Variants in RSAD2 observed in about 807,000 individuals in gnomAD.
The protein encoded by RSAD2 is radical S-adenosyl methionine domain containing 2, also known as S-adenosylmethionine-dependent nucleotide dehydratase RSAD2.
Under a neutral mutation model 37.7 loss-of-function variants are expected in RSAD2, and 38 were observed. The ratio of observed to expected loss-of-function variants is 1.01; its 90% CI spans 0.78 to 1.32. The LOEUF is 1.32. RSAD2 is among the 40% of genes most tolerant of loss of function. The pLI is 0.00. For missense variants in RSAD2, 428 were observed against 437.5 expected, an observed-to-expected ratio of 0.98 and a Z score of 0.19; for synonymous variants, 163 against 157.4, an observed-to-expected ratio of 1.04 and a Z score of -0.27.
chr2:6,867,295 G>A (rs1663115936), intron 1 of RSAD2, among the ~76,000 whole-genome samples: 1 of 152,170 alleles, frequency 6.6e-6, no homozygotes. Context: ...AGCAGGGTTT[G>A]CTTTTTCTGA....
intron 1 of RSAD2, among the ~76,000 whole-genome samples, chr2:6,878,466 C>T (rs960770208): frequency 2.0e-5 from 3 of 152,102 alleles, no homozygotes; most frequent in South Asian, 2.1e-4. Flanking sequence ...TGGAAAGAGG[C>T]GGTTTGGGAA....
chr2:6,875,282 TAA>T (rs1227065099), upstream of RSAD2, among the ~76,000 whole-genome samples: 4 of 152,214 alleles, frequency 2.6e-5, no homozygotes, highest in African/African-American at 9.6e-5. Flanking sequence ...TAAATCCTGA[TAA>T]AGTTTACCAG....
chr2:6,880,703 G>A (rs764269949), intron 1 of RSAD2, among the ~76,000 whole-genome samples: 127 of 152,246 alleles, frequency 8.3e-4, no homozygotes, highest in Middle Eastern at 3.4e-3. Context: ...TGAAATGCAT[G>A]AGGCTAGAAA....
Position 6,887,161 on chromosome 2 carries a change from GA to G in RSAD2, c.738del (p.Val247CysfsTer6). On this transcript the variant is annotated frameshift_variant and splice_region_variant, in exon 3 of 6. Transcript: ENST00000382040. LOFTEE classifies it high-confidence loss of function. ...TCAAAGCACTAAACCCTGTCCGCTG[GA>G]AAGTAAGTACACAAGGTCGCTTTTG... ...QIKALNPVRWKVFQCLLIEGE... is the reference protein window; with the variant it reads ...QIKALNPVRWXVFQCLLIEGE... The G allele has an allele frequency of 6.2e-7, 1 of 1,611,286 alleles. No individual in the cohort carries two copies. Among genetic ancestry groups the G allele is most frequent in the Non-Finnish European group, 8.5e-7 (1 of 1,177,558 alleles).
At chr2:6,889,702 T>A (rs1663592668) in intron 3 of RSAD2, among the ~76,000 whole-genome samples, 1 of 152,206 alleles carries the variant, frequency 6.6e-6, no homozygotes, top group Non-Finnish European at 1.5e-5. Flanking sequence ...AAAAGACTGT[T>A]GAAAGAGAAT....
intron 2 of RSAD2, 88 bp downstream of exon 2, chr2:6,883,620 C>G: frequency 1.3e-6 from 2 of 1,488,482 alleles, no homozygotes. Context: ...GGCCTTCAGC[C>G]AGGCCTGCTG....
Position 6,883,391 on chromosome 2 carries a change from T to G in RSAD2, c.367T>G (p.Ser123Ala). 1 of 1,614,234 alleles carries G rather than the reference T, an allele frequency of 6.2e-7. No individual in the cohort carries two copies. The highest frequency in any genetic ancestry group is 8.5e-7 in the Non-Finnish European group (1 of 1,180,038). The change falls in exon 2 of 6, where the codon TCA becomes GCA. Residue 123 changes from serine (S) to alanine (A), a missense_variant. Physicochemically the swap from Ser to Ala is moderately conservative, Grantham distance 99 (BLOSUM62 1). Transcript: ENST00000382040. ...CACAGGTATGGAGAAGATCAACTTT[T>G]CAGGTGGAGAGCCATTTCTTCAAGA... ...KEAGMEKINF[S>A]GGEPFLQDRG... is the part of the protein sequence containing the mutation.
At chr2:6,879,514 G>T (rs1233364010) in intron 1 of RSAD2, among the ~76,000 whole-genome samples, 4 of 152,024 alleles carry the variant, frequency 2.6e-5, no homozygotes, top group Non-Finnish European at 4.4e-5. Flanking sequence ...TCTCTTCCTA[G>T]AATGTCTGTC....
At chr2:6,875,406 T>C (rs148624097), upstream of RSAD2, among the ~76,000 whole-genome samples, 1 of 152,184 alleles carries the variant, frequency 6.6e-6, no homozygotes, top group African/African-American at 2.4e-5. Flanking sequence ...AGAGCTCTGG[T>C]CAACACTGGG....
chr2:6,873,932 A>G (rs1182584268), upstream of RSAD2, among the ~76,000 whole-genome samples: 1 of 152,186 alleles, frequency 6.6e-6, no homozygotes, highest in East Asian at 1.9e-4. Context: ...GTTATATGAT[A>G]TGGTTTAGAT....
chr2:6,884,147 C>T (rs1389341410), intron 2 of RSAD2, among the ~76,000 whole-genome samples: 2 of 152,188 alleles, frequency 1.3e-5, no homozygotes, highest in African/African-American at 4.8e-5. Context: ...CAGTACAATT[C>T]TCTGTTCTTG....
intron 2 of RSAD2, among the ~76,000 whole-genome samples, chr2:6,884,401 G>A (rs1386301479): frequency 6.6e-6 from 1 of 152,186 alleles, no homozygotes; most frequent in Non-Finnish European, 1.5e-5. Flanking sequence ...AACCAAAATG[G>A]TAGTGAAGGG....
rs1392175314 is a variant in RSAD2 at position 6,897,739 on chromosome 2, C to T, written c.*1797C>T. 2 of 152,190 alleles carry T rather than the reference C, an allele frequency of 1.3e-5. No individual in the cohort carries two copies. Among genetic ancestry groups the T allele is most frequent in the African/African-American group, 4.8e-5 (2 of 41,446 alleles). 9.4% of individuals were successfully genotyped at this position (152,190 alleles called of 1,614,324 possible). A position where few individuals can be genotyped will look rare whatever the true frequency, so the allele number is the denominator to read the frequency against. On this transcript the variant is annotated 3_prime_UTR_variant, in exon 6 of 6. Coordinates refer to ENST00000382040, the MANE Select transcript of RSAD2 (RefSeq NM_080657.5). ...AATCCTCATGGCACAGTGGCTCACG[C>T]CTGTAATCCCAGCACTTGGGAGGAC...
At chr2:6,887,343 T>G (rs1284890689) in intron 3 of RSAD2, among the ~76,000 whole-genome samples, 179 bp downstream of exon 3, 2 of 152,250 alleles carry the variant, frequency 1.3e-5, no homozygotes, top group Non-Finnish European at 2.9e-5. Flanking sequence ...TTTCTTTGTC[T>G]TAGACATAAA....
intron 1 of RSAD2, among the ~76,000 whole-genome samples, chr2:6,870,904 G>A (rs79154388): frequency 8.3e-4 from 127 of 152,266 alleles, no homozygotes; most frequent in African/African-American, 2.9e-3. Flanking sequence ...CTGGATTTAC[G>A]AGCCAAAATT....
chr2:6,879,970 AATG>A (rs1461623933), intron 1 of RSAD2, among the ~76,000 whole-genome samples: 5 of 152,212 alleles, frequency 3.3e-5, no homozygotes, highest in Non-Finnish European at 7.3e-5. Context: ...TTTAGATAAT[AATG>A]ATAACTGATA....
rs1161517365 is a variant in RSAD2, at chr2:6,866,394, C to G, written c.142+349C>G. The G allele has an allele frequency of 3.1e-6, 3 of 956,848 alleles. No individual in the cohort carries two copies. In the South Asian group the frequency reaches 1.4e-4, roughly 46 times the overall value. The allele number at this position is 956,848 out of a possible 1,614,324, so 59.3% of individuals were successfully genotyped here. A position where few individuals can be genotyped will look rare whatever the true frequency, so the allele number is the denominator to read the frequency against. ...TTATCTCACCTGTGCACTCACTCAC[C>G]TGTGCACACACTCACCTTTGCACAC... On this transcript the variant is annotated intron_variant, in intron 1 of 5. Transcript: ENST00000442639.
chr2:6,867,569 A>G (rs931618635), intron 1 of RSAD2, among the ~76,000 whole-genome samples: 3 of 152,194 alleles, frequency 2.0e-5, no homozygotes, highest in East Asian at 1.9e-4. Flanking sequence ...GATATAGCCT[A>G]TAACCCCCCA....
At chr2:6,890,960 A>G (rs1663618843) in intron 4 of RSAD2, among the ~76,000 whole-genome samples, 1 of 152,156 alleles carries the variant, frequency 6.6e-6, no homozygotes, top group South Asian at 2.1e-4. Context: ...ATCCATTAAT[A>G]AGGAACCTCC....
Sources: allele counts gnomAD v4.1 joint callset (sites outside exome capture counted in the v4.1 genomes callset), GRCh38; gene constraint gnomAD v4.1.1; transcripts MANE v1.5; gene names NCBI Gene and HGNC (gene_info 2026-07-23, HGNC 2026-07-21).